The following MYOF variants were observed in gnomAD, a reference collection of about 807,000 sequenced individuals.
MYOF encodes fer-1-like 3, myoferlin.
Under a neutral mutation model 284.2 loss-of-function variants are expected in MYOF, and 244 were observed. The ratio of observed to expected loss-of-function variants is 0.86; its 90% confidence interval spans 0.77 to 0.95. The LOEUF is 0.95. Ranked by LOEUF, MYOF falls within the 40% of genes least tolerant of loss-of-function variation. The probability of loss-of-function intolerance (pLI) is 0.00; values close to 1 mark genes in which losing one functional copy is unlikely to be tolerated. For missense variants in MYOF, 2,496 were observed against 2,560.6 expected, an observed-to-expected ratio of 0.97 and a Z score of 0.54; for synonymous variants, 904 against 919.7, an observed-to-expected ratio of 0.98 and a Z score of 0.31.
chr10:93,467,332 A>G (rs1476405977), intron 1 of MYOF, among the ~76,000 whole-genome samples: 2 of 121,562 alleles, frequency 1.6e-5, no homozygotes. Flanking sequence ...CGACCCCACA[A>G]CAGTCGCCAG....
In MYOF at chr10:93,459,858, T is replaced by G. The variant is rs536065915; in HGVS notation, c.89-2921A>C. ...TAGGAATCCCAGCATTCAACAAGCA[T>G]GAAATAGTACCACCAATCTCCCTCT... On this transcript the variant is annotated intron_variant, in intron 1 of 53. Transcript: ENST00000359263. Among the ~76,000 whole-genome samples, 4 of 152,310 alleles carry G rather than the reference T, an allele frequency of 2.6e-5. No homozygotes were observed. The East Asian group carries it at 7.7e-4, about 29-fold the overall frequency.
At chr10:93,386,376 C>G (rs1164539651) in intron 19 of MYOF, among the ~76,000 whole-genome samples, 1 of 152,114 alleles carries the variant, frequency 6.6e-6, no homozygotes, top group Non-Finnish European at 1.5e-5. Context: ...AGACTATGAC[C>G]AGGACCTTAT....
At chr10:93,416,078 G>A (rs973146162) in intron 5 of MYOF, among the ~76,000 whole-genome samples, 3 of 152,144 alleles carry the variant, frequency 2.0e-5, no homozygotes, top group South Asian at 2.1e-4. Context: ...AAAATCCAAC[G>A]GTCCAGCCTC....
At position 93,372,922 on chromosome 10, in the gene MYOF, A is replaced by G; in HGVS notation, c.2457+8T>C. On this transcript the variant is annotated splice_region_variant and intron_variant, in intron 24 of 53. Coordinates refer to ENST00000359263, the MANE Select transcript of MYOF (RefSeq NM_013451.4). ...GTGTGTTTCACATGACACAGTGAAGATATGTACCTTCAGAAAGATGGTTTG... is the reference window on the plus strand; with the variant it reads ...GTGTGTTTCACATGACACAGTGAAGGTATGTACCTTCAGAAAGATGGTTTG... The G allele has an allele frequency of 6.2e-7, 1 of 1,613,972 alleles. No homozygotes were observed. Among genetic ancestry groups the G allele is most frequent in the Non-Finnish European group, 8.5e-7 (1 of 1,179,818 alleles).
In MYOF at chr10:93,320,322, A is replaced by G. The variant is rs143687828; in HGVS notation, c.5457-309T>C. On this transcript the variant is annotated intron_variant, in intron 48 of 53. Transcript: ENST00000359263. Reference sequence around the variant, plus strand: ...CAATGTAGCTTCTATTTTGGGTACAATGAAGCCTGCTGGCTATGACTTTAG... The same window carrying G: ...CAATGTAGCTTCTATTTTGGGTACAGTGAAGCCTGCTGGCTATGACTTTAG... Among the ~76,000 whole-genome samples, 186 of 152,352 alleles carry G rather than the reference A, an allele frequency of 1.2e-3. 1 individual carries two copies. Among genetic ancestry groups the G allele is most frequent in the African/African-American group, 4.0e-3 (168 of 41,584 alleles).
rs533638850 is a variant in MYOF at position 93,446,304 on chromosome 10, G to A, written c.236+5746C>T. Among the ~76,000 whole-genome samples the A allele has an allele frequency of 2.5e-3, 388 of 152,270 alleles. 4 individuals carry two copies. Among genetic ancestry groups the A allele is most frequent in the South Asian group, 0.016 (77 of 4,820 alleles). On this transcript the variant is annotated intron_variant, in intron 3 of 53. Coordinates refer to ENST00000359263, the MANE Select transcript of MYOF (RefSeq NM_013451.4). The stretch of plus-strand genomic sequence containing the variant: ...ACCTCCTCCAATGACCTGGCCATAG[G>A]GTCTGAAGTTCTCATCTTGTTCACT...
At chr10:93,423,163 C>T (rs1158473389) in intron 5 of MYOF, among the ~76,000 whole-genome samples, 6 of 152,090 alleles carry the variant, frequency 3.9e-5, no homozygotes, top group Non-Finnish European at 8.8e-5. Flanking sequence ...TCCACAGTGA[C>T]CTTATCTTAA....
At position 93,367,061 on chromosome 10, in the gene MYOF, C is replaced by T. The variant is rs547442548; in HGVS notation, c.2590-506G>A. 5.9e-5 allele frequency among the ~76,000 whole-genome samples: 9 copies of T among 152,250 alleles called. No individual in the cohort carries two copies. The East Asian group carries it at 1.7e-3, about 29-fold the overall frequency. Reference sequence around the variant, plus strand: ...TAATGTTGCCATTTCCCAGGCAGTCCACCAAAAAACCCATCTGAAACATGA... The same window carrying T: ...TAATGTTGCCATTTCCCAGGCAGTCTACCAAAAAACCCATCTGAAACATGA... On this transcript the variant is annotated intron_variant, in intron 25 of 53. Coordinates refer to ENST00000359263, the MANE Select transcript of MYOF (RefSeq NM_013451.4).
intron 3 of MYOF, among the ~76,000 whole-genome samples, chr10:93,437,604 C>T (rs1849188368): frequency 6.6e-6 from 1 of 152,216 alleles, no homozygotes; most frequent in Non-Finnish European, 1.5e-5. Flanking sequence ...ACTTCCCGAC[C>T]TCTAAGCAGG....
intron 17 of MYOF, among the ~76,000 whole-genome samples, chr10:93,392,492 T>A (rs141207662): frequency 1.2e-3 from 187 of 152,278 alleles, no homozygotes; most frequent in African/African-American, 4.0e-3. Context: ...GAGGTGAAGA[T>A]CTTCAGGGTG....
At chr10:93,441,863 G>T (rs1009182924) in intron 3 of MYOF, among the ~76,000 whole-genome samples, 1 of 151,792 alleles carries the variant, frequency 6.6e-6, no homozygotes, top group Non-Finnish European at 1.5e-5. Context: ...GTGCCCGGCC[G>T]AGAGTTAGTA....
intron 37 of MYOF, among the ~76,000 whole-genome samples, chr10:93,344,612 A>G (rs1320270014): frequency 6.6e-6 from 1 of 151,786 alleles, no homozygotes; most frequent in Non-Finnish European, 1.5e-5. Context: ...AGGCCAGGGG[A>G]AGGAGAAATA....
rs1231333800 is a variant in MYOF at position 93,399,415 on chromosome 10, CT to C, written c.1197del (p.Glu400LysfsTer13). The C allele has an allele frequency of 1.2e-6, 2 of 1,613,436 alleles. No individual in the cohort carries two copies. Among genetic ancestry groups the C allele is most frequent in the Non-Finnish European group, 1.7e-6 (2 of 1,179,602 alleles). On this transcript the variant is annotated frameshift_variant, in exon 13 of 54. Transcript: ENST00000359263. LOFTEE classifies it high-confidence loss of function. ...ADKKNLVDPF[V>X]EVSFAGKKVC... ...ACCTTTTTTCCAGCAAAGGAAACTT[CT>C]ACAAAAGGATCCACGAGATTTTTCT... is the stretch of plus-strand genomic sequence containing the variant.
chr10:93,401,922 C>T (rs1279625192), intron 11 of MYOF, among the ~76,000 whole-genome samples: 1 of 152,014 alleles, frequency 6.6e-6, no homozygotes, highest in African/African-American at 2.4e-5. Context: ...ATTTAGGTAG[C>T]AATGCCTAAT....
chr10:93,340,815 G>C lies in MYOF; in HGVS notation c.4327-651C>G, dbSNP rs915054152. Among the ~76,000 whole-genome samples the C allele has an allele frequency of 2.6e-5, 4 of 152,024 alleles. No individual in the cohort carries two copies. In the East Asian group the frequency reaches 7.7e-4, roughly 29 times the overall value. ...CTGAGGGCCCATCCAGGAGATGAGA[G>C]AATGAAGAACTGGGAAGGGGGGCTT... On this transcript the variant is annotated intron_variant, in intron 38 of 53. Transcript: ENST00000359263.
chr10:93,322,979 A>C, intron 48 of MYOF, 99 bp downstream of exon 48: 1 of 1,249,542 alleles, frequency 8.0e-7, no homozygotes, highest in Non-Finnish European at 1.2e-6. Context: ...ACCTCAAAAA[A>C]CCAAGAATCC....
intron 3 of MYOF, among the ~76,000 whole-genome samples, chr10:93,434,168 T>C (rs544266913): frequency 2.0e-5 from 3 of 152,194 alleles, no homozygotes; most frequent in African/African-American, 7.2e-5. Context: ...CGGTGGCTCA[T>C]GTCTGTAATC....
intron 2 of MYOF, among the ~76,000 whole-genome samples, chr10:93,453,769 C>A (rs886434689): frequency 1.3e-5 from 2 of 152,108 alleles, no homozygotes; most frequent in Non-Finnish European, 2.9e-5. Flanking sequence ...CCTGTAGTCC[C>A]AGCTGCTTGG....
rs527493511 is a variant in MYOF at position 93,372,853 on chromosome 10, T to C, written c.2457+77A>G. 5.3e-6 allele frequency: 8 copies of C among 1,521,050 alleles called. No homozygotes were observed. In the South Asian group the frequency reaches 8.2e-5, roughly 16 times the overall value. The allele number at this position is 1,521,050 out of a possible 1,614,324, so 94.2% of individuals were successfully genotyped here. A position where few individuals can be genotyped will look rare whatever the true frequency, so the allele number is the denominator to read the frequency against. Reference sequence around the variant, plus strand: ...CCCTTACCATTCAATGATTTGCAAATGATATAAAGCAGACCCTTCTCAGGA... The same window carrying C: ...CCCTTACCATTCAATGATTTGCAAACGATATAAAGCAGACCCTTCTCAGGA... On this transcript the variant is annotated intron_variant, in intron 24 of 53. Transcript: ENST00000359263.
Sources: allele counts gnomAD v4.1 joint callset (sites outside exome capture counted in the v4.1 genomes callset), GRCh38; gene constraint gnomAD v4.1.1; transcripts MANE v1.5; gene names NCBI Gene and HGNC (gene_info 2026-07-23, HGNC 2026-07-21).